ARFGEF3: variants seen among roughly 807,000 people sequenced by gnomAD.
ARFGEF3 encodes the protein brefeldin A-inhibited guanine nucleotide-exchange protein 3.
A neutral mutation model predicts 221.7 loss-of-function variants in ARFGEF3; 96 were observed. That is an observed-to-expected ratio of 0.43 (90% CI 0.37 to 0.51). The LOEUF (loss-of-function observed/expected upper bound fraction) is 0.51. Ranked by LOEUF, ARFGEF3 falls within the 20% of genes least tolerant of loss-of-function variation. ARFGEF3 has a pLI of 0.00. For missense variants in ARFGEF3, 2,410 were observed against 2,789.9 expected (o/e 0.86, Z 3.07); for synonymous variants, 1,145 against 1,126.8 (o/e 1.02, Z -0.32).
intron 5 of ARFGEF3, among the ~76,000 whole-genome samples, chr6:138,234,912 C>G (rs887990270): frequency 6.6e-6 from 1 of 152,086 alleles, no homozygotes; most frequent in African/African-American, 2.4e-5. Context: ...GGTAATTGCA[C>G]AGTTCAACAA....
chr6:138,251,275 T>C (rs1436871737), intron 8 of ARFGEF3, among the ~76,000 whole-genome samples: 3 of 152,194 alleles, frequency 2.0e-5, no homozygotes, highest in Non-Finnish European at 2.9e-5. Flanking sequence ...CTGTCTATAG[T>C]TGTTTTCGTT....
chr6:138,271,195 G>A (rs953303049), intron 12 of ARFGEF3, among the ~76,000 whole-genome samples: 1 of 152,158 alleles, frequency 6.6e-6, no homozygotes, highest in Non-Finnish European at 1.5e-5. Flanking sequence ...AAAACTTAGA[G>A]AATACAATAA....
chr6:138,162,742 G>C lies in ARFGEF3; in HGVS notation c.85+571G>C, dbSNP rs1055605617. On this transcript the variant is annotated intron_variant, in intron 1 of 33. Coordinates refer to ENST00000251691, the MANE Select transcript of ARFGEF3 (RefSeq NM_020340.5). The surrounding 1 kb of genome is among the most constrained non-coding windows in gnomAD (Gnocchi z 4.7). ...GCCCTTCAGACAGGTGGGATTTTAG[G>C]GCTGTGAGCTGTGCTAGCGTTGAAG... 6.6e-6 allele frequency among the ~76,000 whole-genome samples: 1 copy of C among 152,158 alleles called. No individual in the cohort carries two copies. Among genetic ancestry groups the C allele is most frequent in the Non-Finnish European group, 1.5e-5 (1 of 68,028 alleles).
At position 138,255,516 on chromosome 6, in the gene ARFGEF3, G is replaced by A; in HGVS notation, c.851G>A (p.Ser284Asn). ...DKTITSAHTS[S>N]TSTSLESDSA... ...ACCATCACCTCTGCTCACACCAGCAGCACCAGTACCAGCCTGGAGTCGGAC... is the reference window on the plus strand; with the variant it reads ...ACCATCACCTCTGCTCACACCAGCAACACCAGTACCAGCCTGGAGTCGGAC... The change falls in exon 10 of 34, where the codon AGC becomes AAC. Residue 284 changes from serine to asparagine, a missense_variant. Around this residue, in one of 5 missense-constraint regions of ARFGEF3, gnomAD observed 570 missense variants for 586.9 expected, o/e 0.97. Coordinates refer to ENST00000251691, the MANE Select transcript of ARFGEF3 (RefSeq NM_020340.5). 4 of 1,614,024 alleles carry A rather than the reference G, an allele frequency of 2.5e-6. No homozygotes were observed. In the South Asian group the frequency reaches 4.4e-5, roughly 18 times the overall value.
At chr6:138,285,685 G>A (rs1779274041) in intron 14 of ARFGEF3, among the ~76,000 whole-genome samples, 2 of 151,990 alleles carry the variant, frequency 1.3e-5, no homozygotes, top group Non-Finnish European at 2.9e-5. Context: ...TTCTAACAGA[G>A]AAATAATAAT....
At chr6:138,211,559 C>T (rs1056162980) in intron 4 of ARFGEF3, among the ~76,000 whole-genome samples, 4 of 152,138 alleles carry the variant, frequency 2.6e-5, no homozygotes, top group African/African-American at 9.7e-5. Context: ...CAAAGTGCAA[C>T]CTGTGAATCT....
intron 5 of ARFGEF3, among the ~76,000 whole-genome samples, chr6:138,230,782 G>T (rs191432763): frequency 6.0e-4 from 92 of 152,284 alleles, no homozygotes; most frequent in African/African-American, 2.0e-3. Context: ...TTAAAATATG[G>T]ATTGATACAG....
At chr6:138,271,576 TG>T (rs1477930326) in intron 12 of ARFGEF3, among the ~76,000 whole-genome samples, 2 of 152,204 alleles carry the variant, frequency 1.3e-5, no homozygotes, top group Admixed American at 1.3e-4. Context: ...ATGAGAAAAC[TG>T]AGACACAGGT....
chr6:138,196,796 T>C (rs1777431970), intron 2 of ARFGEF3, among the ~76,000 whole-genome samples: 1 of 152,202 alleles, frequency 6.6e-6, no homozygotes, highest in Admixed American at 6.5e-5. Context: ...AAATACTTTA[T>C]ATCCTTATTC....
rs991144956 is a variant in ARFGEF3 at position 138,263,535 on chromosome 6, C to T, written c.2052C>T (p.Leu684=). ...TCATACAGTCCCTGGAAGGCCTCCT[C>T]CCTCGGCTCCTGTCTCTCTCCAATG... The part of the protein sequence containing the change: ...RLFIQSLEGL[L]PRLLSLSNVE... Residue 684 remains leucine (L), a synonymous_variant, in exon 12 of 34, where the codon CTC becomes CTT. Coordinates refer to ENST00000251691, the MANE Select transcript of ARFGEF3 (RefSeq NM_020340.5). The T allele has an allele frequency of 3.7e-6, 6 of 1,613,258 alleles. No homozygotes were observed. The highest frequency in any genetic ancestry group is 5.1e-6 in the Non-Finnish European group (6 of 1,179,878).
intron 6 of ARFGEF3, among the ~76,000 whole-genome samples, chr6:138,242,693 C>T (rs960105100): frequency 2.0e-5 from 3 of 152,186 alleles, no homozygotes; most frequent in South Asian, 4.1e-4. Context: ...GAAGTATCCA[C>T]GCCAGAGTGT....
chr6:138,189,613 T>C (rs990107919), intron 2 of ARFGEF3, among the ~76,000 whole-genome samples: 2 of 152,248 alleles, frequency 1.3e-5, no homozygotes, highest in South Asian at 2.1e-4. Flanking sequence ...TGTCGTTAAG[T>C]GTTCTTTAAA....
At chr6:138,231,661 C>T (rs771411449) in intron 5 of ARFGEF3, among the ~76,000 whole-genome samples, 1 of 152,194 alleles carries the variant, frequency 6.6e-6, no homozygotes, top group Admixed American at 6.5e-5. Flanking sequence ...TAAAATAAAC[C>T]ATTTAAAACT....
intron 10 of ARFGEF3, 42 bp from the exon 11 acceptor site, chr6:138,261,485 T>A (rs1373889586): frequency 8.1e-7 from 1 of 1,242,018 alleles, no homozygotes; most frequent in African/African-American, 1.5e-5. Context: ...TGCTTTTTTG[T>A]GATATTCACT....
chr6:138,203,438 C>G (rs374205437), intron 2 of ARFGEF3, among the ~76,000 whole-genome samples: 26 of 152,266 alleles, frequency 1.7e-4, no homozygotes, highest in East Asian at 7.7e-4. Flanking sequence ...CTTCATTTTT[C>G]TTTCTTTGTC....
Position 138,311,457 on chromosome 6 carries a change from C to T in ARFGEF3, c.4147C>T (p.Pro1383Ser). Residue 1383 changes from proline (P) to serine (S), a missense_variant, in exon 25 of 34, where the codon CCG becomes TCG. By Grantham distance (74) the Pro-to-Ser change is moderately conservative (BLOSUM62 -1). Coordinates refer to ENST00000251691, the MANE Select transcript of ARFGEF3 (RefSeq NM_020340.5). The part of the protein sequence containing the change: ...IGDCAPAPGA[P>S]STDLCLPALD... ...AGACTGTGCCCCAGCACCCGGAGCC[C>T]CGTCCACAGACCTGTGCCTCCCGGC... 6.2e-7 allele frequency: 1 copy of T among 1,608,904 alleles called. No homozygotes were observed. The highest frequency in any genetic ancestry group is 1.1e-5 in the South Asian group (1 of 89,302).
Position 138,338,769 on chromosome 6 carries a change from C to T in ARFGEF3, c.*2283C>T, listed in dbSNP as rs1780377387. ...GAGCCAAGATTGCACCATTGCACTC[C>T]AGACTGGGTGACAAGAGTGAAACTC... On this transcript the variant is annotated 3_prime_UTR_variant, in exon 34 of 34. Coordinates refer to ENST00000251691, the MANE Select transcript of ARFGEF3 (RefSeq NM_020340.5). 1 of 148,656 alleles carries T rather than the reference C, an allele frequency of 6.7e-6. No individual in the cohort carries two copies. Among genetic ancestry groups the T allele is most frequent in the African/African-American group, 2.5e-5 (1 of 39,922 alleles). 9.2% of individuals were successfully genotyped at this position (148,656 alleles called of 1,614,324 possible).
intron 14 of ARFGEF3, among the ~76,000 whole-genome samples, chr6:138,284,468 C>G (rs1157965699): frequency 6.6e-6 from 1 of 152,148 alleles, no homozygotes; most frequent in African/African-American, 2.4e-5. Context: ...AACTTGGGGC[C>G]TTGGCGAGCC....
At position 138,317,295 on chromosome 6, in the gene ARFGEF3, G is replaced by T; in HGVS notation, c.4390G>T (p.Ala1464Ser). Residue 1464 changes from alanine to serine, a missense_variant, in exon 27 of 34, where the codon GCT becomes TCT. This residue lies in a region of ARFGEF3 where 723 missense variants were observed against 991.9 expected (regional missense o/e 0.73). Transcript: ENST00000251691. ...WIILLEQLTA[A>S]VSNCPRQHQP... ...AATCCTGCTGGAGCAGCTGACAGCGGCTGTGTCCAATTGTCCACGGCAGCA... is the reference window on the plus strand; with the variant it reads ...AATCCTGCTGGAGCAGCTGACAGCGTCTGTGTCCAATTGTCCACGGCAGCA... 6.2e-7 allele frequency: 1 copy of T among 1,613,936 alleles called. No individual in the cohort carries two copies. Among genetic ancestry groups the T allele is most frequent in the Non-Finnish European group, 8.5e-7 (1 of 1,179,858 alleles).
Sources: allele counts gnomAD v4.1 joint callset (sites outside exome capture counted in the v4.1 genomes callset), GRCh38; gene constraint gnomAD v4.1.1; regional missense constraint gnomAD v4.1.1; non-coding constraint Gnocchi (gnomAD v3.1); transcripts MANE v1.5; gene names NCBI Gene and HGNC (gene_info 2026-07-23, HGNC 2026-07-21).